The following AGBL3 variants were observed in gnomAD, a reference collection of about 807,000 sequenced individuals.
AGBL3 encodes the protein cytosolic carboxypeptidase 3.
In AGBL3, 68 loss-of-function variants were observed where a neutral mutation model predicts 94.5. The ratio of observed to expected loss-of-function variants is 0.72; its 90% CI spans 0.59 to 0.88. The LOEUF (loss-of-function observed/expected upper bound fraction) is 0.88, where lower values mean the gene tolerates loss of function less well. Among genes scored for constraint, AGBL3 ranks in the 40% least tolerant of loss-of-function variants. AGBL3 has a pLI of 0.00. For missense variants in AGBL3, 934 were observed against 1,103.8 expected (o/e 0.85, Z 2.18); for synonymous variants, 354 against 370.7 (o/e 0.95, Z 0.52).
rs1420047719 is a variant in AGBL3 at position 135,086,483 on chromosome 7, A to G, written c.2110+4693A>G. Among the ~76,000 whole-genome samples the G allele has an allele frequency of 2.6e-5, 4 of 152,008 alleles. No individual in the cohort carries two copies. The East Asian group carries it at 7.7e-4, about 29-fold the overall frequency. On this transcript the variant is annotated intron_variant, in intron 15 of 16. Coordinates refer to ENST00000436302, the MANE Select transcript of AGBL3 (RefSeq NM_178563.4). ...TGTATGGCCTTTACTGTGTTGAGGT[A>G]CATTCCTTCCATACCTTATTTGGTG...
intron 15 of AGBL3, among the ~76,000 whole-genome samples, chr7:135,110,178 G>T (rs982259890): frequency 6.6e-6 from 1 of 152,096 alleles, no homozygotes; most frequent in Admixed American, 6.5e-5. Context: ...CCCTCTGGGA[G>T]CTCTGTCTCA....
intron 4 of AGBL3, among the ~76,000 whole-genome samples, chr7:135,004,132 C>T (rs1812081095): frequency 6.6e-6 from 1 of 151,576 alleles, no homozygotes; most frequent in African/African-American, 2.4e-5. Flanking sequence ...ATTAAGAAAA[C>T]TTTACCAGAA....
chr7:135,003,676 G>A (rs1449350330), intron 4 of AGBL3, among the ~76,000 whole-genome samples: 3 of 148,238 alleles, frequency 2.0e-5, no homozygotes, highest in Non-Finnish European at 4.5e-5. Flanking sequence ...TTTCTGCACC[G>A]TTTCTAAGTT....
chr7:135,128,671 T>C, intron 16 of AGBL3: 1 of 1,158,030 alleles, frequency 8.6e-7, no homozygotes, highest in Non-Finnish European at 1.3e-6. Context: ...GAGACCCTAG[T>C]ATACCTGAAT....
chr7:135,022,352 C>T (rs1554496593), intron 5 of AGBL3, among the ~76,000 whole-genome samples: 3 of 152,266 alleles, frequency 2.0e-5, no homozygotes, highest in African/African-American at 7.2e-5. Flanking sequence ...TTTTAATAAT[C>T]GCCATTCTGA....
intron 4 of AGBL3, among the ~76,000 whole-genome samples, chr7:134,997,404 C>T (rs1449136411): frequency 1.3e-5 from 2 of 152,186 alleles, no homozygotes; most frequent in East Asian, 3.9e-4. Context: ...CAGTTGTTCT[C>T]TCCCTGTGGA....
At chr7:135,002,864 A>T (rs1811898734) in intron 4 of AGBL3, among the ~76,000 whole-genome samples, 1 of 152,188 alleles carries the variant, frequency 6.6e-6, no homozygotes, top group South Asian at 2.1e-4. Flanking sequence ...TACTGACTTT[A>T]TATAAGCTAC....
rs1554497737 is a variant in AGBL3, at chr7:135,026,253, T to TTTTATTTTA, written c.419-6587_419-6579dup. On this transcript the variant is annotated intron_variant, in intron 5 of 16. Transcript: ENST00000436302. Reference sequence around the variant, plus strand: ...AATAGAAATGAATACCATTATTTTATTTTATTTTATTTTATTTTATTTTAT... The same window carrying TTTTATTTTA: ...AATAGAAATGAATACCATTATTTTATTTTATTTTATTTATTTTATTTTATTTTATTTTAT... 1.0e-3 allele frequency among the ~76,000 whole-genome samples: 139 copies of TTTTATTTTA among 138,690 alleles called. 2 individuals are homozygous for TTTTATTTTA. The highest frequency in any genetic ancestry group is 3.7e-3 in the African/African-American group (137 of 37,278). The allele number at this position is 138,690 out of a possible 152,430, so 91.0% of individuals were successfully genotyped here. A position where few individuals can be genotyped will look rare whatever the true frequency, so the allele number is the denominator to read the frequency against.
At chr7:135,093,018 G>A (rs907556251) in intron 15 of AGBL3, 1 of 145,966 alleles carries the variant, frequency 6.9e-6, no homozygotes, top group Non-Finnish European at 1.5e-5. Flanking sequence ...AATTAGGAAA[G>A]ATAGAATCTT....
chr7:135,117,714 G>C lies in AGBL3; in HGVS notation c.2342+2103G>C, dbSNP rs1482396475. 5.3e-5 allele frequency among the ~76,000 whole-genome samples: 8 copies of C among 152,302 alleles called. No individual in the cohort carries two copies. The East Asian group carries it at 1.3e-3, about 26-fold the overall frequency. On this transcript the variant is annotated intron_variant, in intron 16 of 16. Transcript: ENST00000436302. ...TCATCTGTTAAGAAAGGATTTGCTT[G>C]CTGCTTTCCTACTTTTTAATATTTC...
intron 7 of AGBL3, among the ~76,000 whole-genome samples, chr7:135,035,878 C>A (rs1206238790): frequency 1.3e-5 from 2 of 152,014 alleles, no homozygotes; most frequent in Non-Finnish European, 2.9e-5. Flanking sequence ...GCCTTATAAT[C>A]TAGTTAGTTT....
chr7:135,098,191 A>G (rs1042389438), intron 15 of AGBL3, among the ~76,000 whole-genome samples: 1 of 152,178 alleles, frequency 6.6e-6, no homozygotes, highest in Non-Finnish European at 1.5e-5. Context: ...GCCGTTGCTA[A>G]TAAGTAAAGT....
chr7:135,018,577 A>G (rs1364404628), intron 5 of AGBL3, among the ~76,000 whole-genome samples: 1 of 152,186 alleles, frequency 6.6e-6, no homozygotes. Flanking sequence ...TTGAAAGGAA[A>G]GCTATAGAAA....
At chr7:135,115,837 C>A in intron 16 of AGBL3, 1 of 450,540 alleles carries the variant, frequency 2.2e-6, no homozygotes, top group Non-Finnish European at 3.9e-6. Flanking sequence ...TGAAACTACT[C>A]ATTAATTTAG....
intron 5 of AGBL3, among the ~76,000 whole-genome samples, chr7:135,027,180 C>A (rs1212802266): frequency 6.6e-6 from 1 of 151,452 alleles, no homozygotes; most frequent in Non-Finnish European, 1.5e-5. Flanking sequence ...TCCTGAGAAG[C>A]TGGGACTAGG....
intron 4 of AGBL3, among the ~76,000 whole-genome samples, chr7:135,001,251 A>G (rs148001656): frequency 6.6e-6 from 1 of 152,310 alleles, no homozygotes; most frequent in African/African-American, 2.4e-5. Context: ...GATATCACCA[A>G]CAGATTTTGG....
At chr7:134,997,054 C>T (rs952009126) in intron 4 of AGBL3, among the ~76,000 whole-genome samples, 2 of 152,068 alleles carry the variant, frequency 1.3e-5, no homozygotes, top group Non-Finnish European at 1.5e-5. Flanking sequence ...GGACCAGTTT[C>T]GGGGAAGATA....
intron 4 of AGBL3, among the ~76,000 whole-genome samples, chr7:135,016,146 C>A (rs71532829): frequency 6.6e-6 from 1 of 151,982 alleles, no homozygotes; most frequent in Non-Finnish European, 1.5e-5. Flanking sequence ...TTAATTTTGA[C>A]TTAAGTTGGT....
intron 12 of AGBL3, among the ~76,000 whole-genome samples, chr7:135,065,140 G>A (rs1326166004): frequency 6.6e-6 from 1 of 152,168 alleles, no homozygotes; most frequent in Non-Finnish European, 1.5e-5. Context: ...TAACAAAGAG[G>A]TGAAAGATCT....
Sources: gnomAD v4.1 joint callset for allele counts (sites outside exome capture counted in the v4.1 genomes callset) on GRCh38, gnomAD v4.1.1 for gene constraint, MANE v1.5 for transcripts, NCBI Gene and HGNC (gene_info 2026-07-23, HGNC 2026-07-21) for gene names.